Variants in HNRNPM observed in about 807,000 individuals in gnomAD.
HNRNPM encodes CEA receptor.
HNRNPM carries 11 observed loss-of-function variants against 73.1 expected under a neutral mutation model. The observed-to-expected ratio is 0.15, with a 90% CI of 0.09 to 0.25. The LOEUF is 0.25. HNRNPM is among the 10% of genes least tolerant of loss of function. The pLI is 1.00. For synonymous variants in HNRNPM, 407 were observed against 355.2 expected (o/e 1.15, Z -1.64); for missense variants, 789 against 1,067.9 (o/e 0.74, Z 3.64).
intron 1 of HNRNPM, among the ~76,000 whole-genome samples, chr19:8,448,656 T>C (rs1968392230): frequency 1.3e-5 from 2 of 150,498 alleles, no homozygotes; most frequent in South Asian, 4.2e-4. Flanking sequence ...TTTTTTAATA[T>C]TTTTTTTTAG....
At chr19:8,468,912 CT>C in intron 9 of HNRNPM, 78 bp downstream of exon 9, 1 of 1,187,088 alleles carries the variant, frequency 8.4e-7, no homozygotes, top group South Asian at 1.2e-5. Flanking sequence ...TATGGTTTCA[CT>C]TGAACCTGTG....
At chr19:8,470,155 A>C (rs1970030422) in intron 9 of HNRNPM, among the ~76,000 whole-genome samples, 1 of 152,166 alleles carries the variant, frequency 6.6e-6, no homozygotes, top group Non-Finnish European at 1.5e-5. Context: ...GCCATTTCGG[A>C]GGCTTGACTT....
At position 8,468,767 on chromosome 19, in the gene HNRNPM, C is replaced by G. The variant is rs189639347; in HGVS notation, c.835-7C>G. 3.1e-4 allele frequency: 495 copies of G among 1,612,026 alleles called. 2 individuals are homozygous for G. The African/African-American group carries it at 5.4e-3, about 18-fold the overall frequency. On this transcript the variant is annotated splice_polypyrimidine_tract_variant and splice_region_variant and intron_variant, in intron 8 of 15. Coordinates refer to ENST00000325495, the MANE Select transcript of HNRNPM (RefSeq NM_005968.5). ...ACTGAGATTTGTTTGTTTTCTTTCT[C>G]TTTCAGGATGAGAGGGCCTTACCAA...
At chr19:8,473,433 C>T (rs1465999273) in intron 10 of HNRNPM, among the ~76,000 whole-genome samples, 1 of 151,234 alleles carries the variant, frequency 6.6e-6, no homozygotes, top group African/African-American at 2.4e-5. Flanking sequence ...TGCATTCCAG[C>T]CTGGGTGACA....
At chr19:8,464,113 C>T (rs950030560) in intron 5 of HNRNPM, among the ~76,000 whole-genome samples, 1 of 151,994 alleles carries the variant, frequency 6.6e-6, no homozygotes, top group Non-Finnish European at 1.5e-5. Context: ...GGCATGGTGG[C>T]GCATGCCTGT....
chr19:8,449,383 A>C (rs1968454175), intron 1 of HNRNPM, among the ~76,000 whole-genome samples: 1 of 152,188 alleles, frequency 6.6e-6, no homozygotes, highest in Admixed American at 6.5e-5. Flanking sequence ...TGTAATGATT[A>C]TGATGCCTAG....
chr19:8,463,999 C>T (rs900027993), intron 5 of HNRNPM: 5 of 265,414 alleles, frequency 1.9e-5, no homozygotes, highest in African/African-American at 1.1e-4. Context: ...TCCATCTGAC[C>T]CTTCTTCTTG....
rs148641408 is a variant in HNRNPM at position 8,476,381 on chromosome 19, A to G, written c.1120+2137A>G. Among the ~76,000 whole-genome samples, 29 of 152,272 alleles carry G rather than the reference A, an allele frequency of 1.9e-4. No homozygotes were observed. In the South Asian group the frequency reaches 3.5e-3, roughly 19 times the overall value. On this transcript the variant is annotated intron_variant, in intron 12 of 15. Coordinates refer to ENST00000325495, the MANE Select transcript of HNRNPM (RefSeq NM_005968.5). ...TTTAATGAAATGTTAATTCATGACT[A>G]GAGTGTAGCCATTATGGTCATGGGT...
intron 1 of HNRNPM, among the ~76,000 whole-genome samples, chr19:8,446,346 T>A (rs1469517910): frequency 1.3e-5 from 2 of 152,216 alleles, no homozygotes; most frequent in African/African-American, 4.8e-5. Context: ...TTTGCCTTCC[T>A]CATATTGTAA....
chr19:8,488,666 G>A (rs776388708), intron 15 of HNRNPM, 25 bp from the exon 16 acceptor site: 24 of 1,595,022 alleles, frequency 1.5e-5, no homozygotes, highest in Middle Eastern at 1.7e-4. Context: ...ACTGAGTGTC[G>A]TCTCTTCTTC....
chr19:8,463,354 T>A lies in HNRNPM; in HGVS notation c.337-143T>A, dbSNP rs923224849. ...CGAGGCACTTCTGTCAGCTTCCCCT[T>A]AGAAGGGTTCATTTTAAAAGACTAA... On this transcript the variant is annotated intron_variant, in intron 3 of 15. Coordinates refer to ENST00000325495, the MANE Select transcript of HNRNPM (RefSeq NM_005968.5). The A allele has an allele frequency of 1.3e-5, 12 of 930,182 alleles. No individual in the cohort carries two copies. The Admixed American group carries it at 1.7e-4, about 13-fold the overall frequency. The allele number at this position is 930,182 out of a possible 1,614,324, so 57.6% of individuals were successfully genotyped here.
chr19:8,454,619 G>A (rs770053160), intron 1 of HNRNPM, among the ~76,000 whole-genome samples: 1 of 146,134 alleles, frequency 6.8e-6, no homozygotes, highest in African/African-American at 2.5e-5. Context: ...TAGTAATTCT[G>A]TGTTTAATTT....
intron 12 of HNRNPM, chr19:8,482,734 G>A (rs1555708665): frequency 6.4e-6 from 1 of 156,810 alleles, no homozygotes; most frequent in Non-Finnish European, 1.4e-5. Context: ...TGAACAAGAA[G>A]TTGGCTGGGG....
At chr19:8,470,574 C>T (rs963269324) in intron 9 of HNRNPM, among the ~76,000 whole-genome samples, 1 of 152,148 alleles carries the variant, frequency 6.6e-6, no homozygotes, top group Non-Finnish European at 1.5e-5. Context: ...GTGATCCACC[C>T]GCCTTGGCCT....
At chr19:8,479,755 TAA>T (rs1178134145) in intron 12 of HNRNPM, among the ~76,000 whole-genome samples, 42 of 83,260 alleles carry the variant, frequency 5.0e-4, no homozygotes, top group African/African-American at 1.2e-3. Context: ...GCGGTGTATT[TAA>T]AAAAAAAAAA....
chr19:8,445,691 G>T (rs558691742), intron 1 of HNRNPM: 2 of 152,506 alleles, frequency 1.3e-5, no homozygotes, highest in South Asian at 4.1e-4. Context: ...CGCTCCGCGG[G>T]AAGTGCCTCC....
At chr19:8,456,713 C>G (rs1275842475) in intron 2 of HNRNPM, among the ~76,000 whole-genome samples, 1 of 152,164 alleles carries the variant, frequency 6.6e-6, no homozygotes, top group Non-Finnish European at 1.5e-5. Context: ...TTATTTTGAC[C>G]ATGACATGCA....
chr19:8,457,464 G>A (rs575463152), intron 2 of HNRNPM, among the ~76,000 whole-genome samples: 63 of 152,286 alleles, frequency 4.1e-4, no homozygotes, highest in Non-Finnish European at 7.1e-4. Context: ...ATTTTTGGTG[G>A]TGTAATTTAG....
chr19:8,472,417 C>T (rs1348286631), intron 10 of HNRNPM, among the ~76,000 whole-genome samples: 1 of 152,114 alleles, frequency 6.6e-6, no homozygotes, highest in Non-Finnish European at 1.5e-5. Context: ...CACCCTGGGG[C>T]TGACTTAAAT....
Sources: gnomAD v4.1 joint callset for allele counts (sites outside exome capture counted in the v4.1 genomes callset) on GRCh38, gnomAD v4.1.1 for gene constraint, MANE v1.5 for transcripts, NCBI Gene and HGNC (gene_info 2026-07-23, HGNC 2026-07-21) for gene names.